NUDT5: variants seen among roughly 807,000 people sequenced by gnomAD.
The protein encoded by NUDT5 is nudix hydrolase 5, also known as ADP-sugar pyrophosphatase.
In NUDT5, 21 loss-of-function variants were observed where a neutral mutation model predicts 34.1. The ratio of observed to expected loss-of-function variants is 0.62; its 90% CI spans 0.44 to 0.89. The LOEUF (loss-of-function observed/expected upper bound fraction) is 0.89. Ranked by LOEUF, NUDT5 falls within the 40% of genes least tolerant of loss-of-function variation. The probability of loss-of-function intolerance (pLI) is 0.00; values close to 1 mark genes in which losing one functional copy is unlikely to be tolerated. For missense variants in NUDT5, 249 were observed against 274.8 expected (o/e 0.91, Z 0.66); for synonymous variants, 85 against 97.6 (o/e 0.87, Z 0.76).
chr10:12,185,277 G>A (rs1835107031), intron 2 of NUDT5, among the ~76,000 whole-genome samples: 1 of 152,182 alleles, frequency 6.6e-6, no homozygotes, highest in African/African-American at 2.4e-5. Context: ...ATGGGGTGAG[G>A]GTGTCCTGGG....
At chr10:12,185,827 T>A (rs867860460) in intron 2 of NUDT5, among the ~76,000 whole-genome samples, 1 of 152,228 alleles carries the variant, frequency 6.6e-6, no homozygotes, top group South Asian at 2.1e-4. Flanking sequence ...GGTTCTAGAA[T>A]TCACTGGAAT....
intron 5 of NUDT5, among the ~76,000 whole-genome samples, chr10:12,176,188 A>C (rs1341049534): frequency 6.6e-6 from 1 of 150,814 alleles, no homozygotes; most frequent in Non-Finnish European, 1.5e-5. Context: ...CAAGAGCAAA[A>C]CTCTATTTCA....
intron 2 of NUDT5, 141 bp downstream of exon 2, chr10:12,186,088 C>T (rs1402071250): frequency 8.9e-6 from 6 of 673,888 alleles, no homozygotes; most frequent in South Asian, 1.9e-5. Context: ...AAAATGTGCC[C>T]GAGCCCAAAA....
chr10:12,167,847 G>T, intron 9 of NUDT5, 36 bp from the exon 10 acceptor site: 1 of 1,610,148 alleles, frequency 6.2e-7, no homozygotes, highest in Non-Finnish European at 8.5e-7. Context: ...AGATCATGCC[G>T]TTAAGGAAGG....
chr10:12,179,120 T>A lies in NUDT5; in HGVS notation c.144A>T (p.Ser48=), dbSNP rs1402827035. Residue 48 remains serine, a synonymous_variant, in exon 4 of 10, where the codon TCA becomes TCT. Transcript: ENST00000491614. ...DPTGKTRTWE[S]VKRTTRKEQT... ...GCTCTTTCCTGGTTGTACGTTTCAC[T>A]GATTCCCAAGTTCTGTTCAGGCAGA... The A allele has an allele frequency of 1.2e-6, 2 of 1,614,158 alleles. No homozygotes were observed. The highest frequency in any genetic ancestry group is 1.7e-5 in the Admixed American group (1 of 60,018).
intron 5 of NUDT5, 100 bp downstream of exon 5, chr10:12,177,693 G>C (rs551793551): frequency 4.6e-6 from 4 of 871,458 alleles, no homozygotes; most frequent in South Asian, 4.3e-5. Context: ...AAAACCACAA[G>C]GACAGATTAA....
In NUDT5 at chr10:12,169,312, G is replaced by C. The variant is rs1834793946; in HGVS notation, c.550+1405C>G. The C allele has an allele frequency of 1.9e-6, 3 of 1,555,168 alleles. No homozygotes were observed. In the East Asian group the frequency reaches 7.1e-5, roughly 37 times the overall value. The stretch of plus-strand genomic sequence containing the variant: ...GAGAAGGAAGACATTTTACAAAAAG[G>C]ATACTCTTCTACTAAAAGATAACCC... On this transcript the variant is annotated intron_variant, in intron 9 of 9. Transcript: ENST00000491614. The surrounding 1 kb of genome is among the most constrained non-coding windows in gnomAD (Gnocchi z 4.8).
At chr10:12,191,404 C>CA (rs1235855493) in intron 1 of NUDT5, among the ~76,000 whole-genome samples, 4 of 99,354 alleles carry the variant, frequency 4.0e-5, no homozygotes, top group African/African-American at 1.2e-4. Context: ...CAAAACAAAA[C>CA]AAAAAAAACC....
chr10:12,167,854 A>G, intron 9 of NUDT5, 43 bp from the exon 10 acceptor site: 3 of 1,610,108 alleles, frequency 1.9e-6, no homozygotes, highest in Non-Finnish European at 2.5e-6. Flanking sequence ...GCCGTTAAGG[A>G]AGGACAAAAC....
rs1834787208 is a variant in NUDT5 at position 12,169,100 on chromosome 10, C to G, written c.551-1289G>C. ...TTAAAATGTAATACTTTCCTTCCGA[C>G]TTCTCAAATGTTGCTGGTTGAATAA... On this transcript the variant is annotated intron_variant, in intron 9 of 9. Coordinates refer to ENST00000491614, the MANE Select transcript of NUDT5 (RefSeq NM_014142.4). The surrounding 1 kb of genome is among the most constrained non-coding windows in gnomAD (Gnocchi z 4.8). Among the ~76,000 whole-genome samples, 1 of 152,168 alleles carries G rather than the reference C, an allele frequency of 6.6e-6. No homozygotes were observed. The highest frequency in any genetic ancestry group is 1.5e-5 in the Non-Finnish European group (1 of 68,026).
At chr10:12,167,867 C>CT in intron 9 of NUDT5, 56 bp from the exon 10 acceptor site, 1 of 1,605,456 alleles carries the variant, frequency 6.2e-7, no homozygotes. Context: ...GACAAAACAT[C>CT]TTATTCAATC....
Position 12,172,772 on chromosome 10 carries a change from T to TGGCTTC in NUDT5, c.474_479dup (p.Lys161_Pro162dup). The TGGCTTC allele has an allele frequency of 6.2e-7, 1 of 1,613,338 alleles. No homozygotes were observed. Among genetic ancestry groups the TGGCTTC allele is most frequent in the Non-Finnish European group, 8.5e-7 (1 of 1,179,260 alleles). On this transcript the variant is annotated inframe_insertion, in exon 7 of 10. Coordinates refer to ENST00000491614, the MANE Select transcript of NUDT5 (RefSeq NM_014142.4). ...CAGCCGACACACACATACCTGGCTT[T>TGGCTTC]GGCTTCGGCCTTGCGTTTTCGGCAT... is the stretch of plus-strand genomic sequence containing the variant.
chr10:12,180,380 G>C lies in NUDT5; in HGVS notation c.132-1248C>G, dbSNP rs1460398521. ...TGCTGGTAAGTAAATCATACAGATT[G>C]CAAGAGATGAACACCTTTTGGCATA... is the stretch of plus-strand genomic sequence containing the variant. On this transcript the variant is annotated intron_variant, in intron 3 of 9. Coordinates refer to ENST00000491614, the MANE Select transcript of NUDT5 (RefSeq NM_014142.4). 2 of 152,202 alleles carry C rather than the reference G, an allele frequency of 1.3e-5. 1 individual carries two copies. Among genetic ancestry groups the C allele is most frequent in the African/African-American group, 4.8e-5 (2 of 41,450 alleles). The allele number at this position is 152,202 out of a possible 1,614,324, so 9.4% of individuals were successfully genotyped here.
rs1834846700 is a variant in NUDT5 at position 12,171,280 on chromosome 10, G to T, written c.488-372C>A. On this transcript the variant is annotated intron_variant, in intron 7 of 9. Coordinates refer to ENST00000491614, the MANE Select transcript of NUDT5 (RefSeq NM_014142.4). This position sits in a 1 kb window ranked among gnomAD's most constrained non-coding sequence, Gnocchi z 4.2. Reference sequence around the variant, plus strand: ...AGTATCCATCTCCAGAACTTTTCATGACACCCAACAGAAACTCGGGATCCA... The same window carrying T: ...AGTATCCATCTCCAGAACTTTTCATTACACCCAACAGAAACTCGGGATCCA... Among the ~76,000 whole-genome samples, 1 of 152,160 alleles carries T rather than the reference G, an allele frequency of 6.6e-6. No homozygotes were observed.
At chr10:12,191,378 GT>G (rs1303808660) in intron 1 of NUDT5, among the ~76,000 whole-genome samples, 1 of 151,254 alleles carries the variant, frequency 6.6e-6, no homozygotes, top group Non-Finnish European at 1.5e-5. Context: ...GCAAGACTCC[GT>G]CTCAAAAACA....
At chr10:12,174,014 G>A (rs764930923) in intron 5 of NUDT5, among the ~76,000 whole-genome samples, 5 of 151,940 alleles carry the variant, frequency 3.3e-5, no homozygotes, top group African/African-American at 7.3e-5. Context: ...TTACAGGCGC[G>A]TGCCACCACG....
chr10:12,185,855 A>G (rs1250189844), intron 2 of NUDT5, among the ~76,000 whole-genome samples: 1 of 152,204 alleles, frequency 6.6e-6, no homozygotes, highest in Non-Finnish European at 1.5e-5. Flanking sequence ...ACAATTAACA[A>G]CGTAGGTTTT....
In NUDT5 at chr10:12,177,828, G is replaced by A. The variant is rs1834980147; in HGVS notation, c.254C>T (p.Pro85Leu). The A allele has an allele frequency of 6.2e-7, 1 of 1,614,082 alleles. No individual in the cohort carries two copies. Among genetic ancestry groups the A allele is most frequent in the Non-Finnish European group, 8.5e-7 (1 of 1,179,950 alleles). Residue 85 changes from proline (P) to leucine (L), a missense_variant, in exon 5 of 10, where the codon CCA (proline) becomes CTA (leucine). Transcript: ENST00000491614. ...ECIVLVKQFR[P>L]PMGGYCIEFP... ...CTCTATGCAGTAGCCCCCCATTGGTGGTCGGAACTGTTTCACCAGAACGAT... is the reference window on the plus strand; with the variant it reads ...CTCTATGCAGTAGCCCCCCATTGGTAGTCGGAACTGTTTCACCAGAACGAT...
At chr10:12,178,728 C>T (rs1342943573) in intron 4 of NUDT5, among the ~76,000 whole-genome samples, 2 of 152,180 alleles carry the variant, frequency 1.3e-5, no homozygotes, top group Non-Finnish European at 2.9e-5. Context: ...TGAAGGTGTG[C>T]CAAGTAACTT....
Sources: gnomAD v4.1 joint callset for allele counts (sites outside exome capture counted in the v4.1 genomes callset) on GRCh38, gnomAD v4.1.1 for gene constraint, Gnocchi (gnomAD v3.1) non-coding constraint, MANE v1.5 for transcripts, NCBI Gene and HGNC (gene_info 2026-07-23, HGNC 2026-07-21) for gene names.